ENTPD1: variants seen among roughly 807,000 people sequenced by gnomAD.
ENTPD1 encodes ectonucleoside triphosphate diphosphohydrolase 1.
ENTPD1 carries 33 observed loss-of-function variants against 57.0 expected under a neutral mutation model. That is an observed-to-expected ratio of 0.58 (90% confidence interval 0.44 to 0.77). The LOEUF is 0.77. Ranked by LOEUF, ENTPD1 falls within the 30% of genes least tolerant of loss-of-function variation. The pLI is 0.00. For missense variants in ENTPD1, 501 were observed against 603.4 expected (o/e 0.83, Z 1.78); for synonymous variants, 202 against 218.8 (o/e 0.92, Z 0.68).
intron 2 of ENTPD1, among the ~76,000 whole-genome samples, chr10:95,831,917 G>A (rs1161219227): frequency 6.6e-6 from 1 of 152,168 alleles, no homozygotes; most frequent in Admixed American, 6.5e-5. Context: ...TTAACAAATA[G>A]CCATTGAATA....
chr10:95,704,891 TAC>T, the ENTPD1 span, among the ~76,000 whole-genome samples: 1 of 151,386 alleles, frequency 6.6e-6, no homozygotes. Flanking sequence ...TATGTAAATA[TAC>T]ACATACACAC....
the ENTPD1 span, among the ~76,000 whole-genome samples, chr10:95,701,891 A>G: frequency 6.6e-6 from 1 of 152,138 alleles, no homozygotes; most frequent in Non-Finnish European, 1.5e-5. Flanking sequence ...AAGTTAAACA[A>G]CTAGAATACA....
chr10:95,858,764 C>G (rs974351148), intron 7 of ENTPD1, among the ~76,000 whole-genome samples: 3 of 152,140 alleles, frequency 2.0e-5, no homozygotes, highest in African/African-American at 7.2e-5. Flanking sequence ...TGTATTTATA[C>G]CATTGCTCAT....
Position 95,870,508 on chromosome 10 carries a change from C to T in ENTPD1, c.*4125C>T. The T allele has an allele frequency of 1.1e-6, 1 of 941,362 alleles. No homozygotes were observed. Among genetic ancestry groups the T allele is most frequent in the Non-Finnish European group, 1.3e-6 (1 of 789,934 alleles). 58.3% of individuals were successfully genotyped at this position (941,362 alleles called of 1,614,324 possible). On this transcript the variant is annotated 3_prime_UTR_variant, in exon 10 of 10. Transcript: ENST00000371205. ...TGTCCAGGCTGGTCTCGAACTCCTG[C>T]CCTCAAGCAATCCTCCTGCCTTGGC...
intron 6 of ENTPD1, 61 bp from the exon 7 acceptor site, chr10:95,847,385 A>T: frequency 6.2e-7 from 1 of 1,603,306 alleles, no homozygotes; most frequent in Non-Finnish European, 8.5e-7. Context: ...ATTAAGTCAG[A>T]CTGTACCTTT....
At chr10:95,818,874 A>T (rs148759118) in intron 1 of ENTPD1, among the ~76,000 whole-genome samples, 4 of 152,328 alleles carry the variant, frequency 2.6e-5, no homozygotes, top group African/African-American at 9.6e-5. Flanking sequence ...CATTCCTTGA[A>T]TGTTTGCTCA....
At chr10:95,811,881 C>T (rs569920443) in intron 1 of ENTPD1, among the ~76,000 whole-genome samples, 2 of 152,174 alleles carry the variant, frequency 1.3e-5, no homozygotes, top group Non-Finnish European at 2.9e-5. Context: ...CACTGAATGT[C>T]GCTGTCTATG....
chr10:95,789,498 A>G (rs1000276640), intron 1 of ENTPD1, among the ~76,000 whole-genome samples: 1 of 152,210 alleles, frequency 6.6e-6, no homozygotes, highest in African/African-American at 2.4e-5. Context: ...TCAAATTCAT[A>G]GAAACAGTGT....
Position 95,869,944 on chromosome 10 carries a change from G to T in ENTPD1, c.*3561G>T. On this transcript the variant is annotated 3_prime_UTR_variant, in exon 10 of 10. Coordinates refer to ENST00000371205, the MANE Select transcript of ENTPD1 (RefSeq NM_001776.6). Reference sequence around the variant, plus strand: ...CATGTGGCTTGTAGCTACCATACTGGACAGCACATGTCCAAAAAAATACAC... The same window carrying T: ...CATGTGGCTTGTAGCTACCATACTGTACAGCACATGTCCAAAAAAATACAC... 1.0e-6 allele frequency: 1 copy of T among 985,036 alleles called. No individual in the cohort carries two copies. Among genetic ancestry groups the T allele is most frequent in the Non-Finnish European group, 1.2e-6 (1 of 829,620 alleles). 61.0% of individuals were successfully genotyped at this position (985,036 alleles called of 1,614,324 possible).
intron 2 of ENTPD1, among the ~76,000 whole-genome samples, chr10:95,829,758 A>G (rs1467001891): frequency 6.6e-6 from 1 of 152,132 alleles, no homozygotes; most frequent in Non-Finnish European, 1.5e-5. Flanking sequence ...TATGGCTTGA[A>G]TGTTTGATCC....
Position 95,845,394 on chromosome 10 carries a change from A to G in ENTPD1, c.611A>G (p.Asn204Ser). 6.2e-7 allele frequency: 1 copy of G among 1,614,220 alleles called. No homozygotes were observed. Among genetic ancestry groups the G allele is most frequent in the Non-Finnish European group, 8.5e-7 (1 of 1,180,038 alleles). The change falls in exon 6 of 10, where the codon AAT becomes AGT. Residue 204 changes from asparagine (N) to serine (S), a missense_variant. By Grantham distance (46) the Asn-to-Ser change is conservative (BLOSUM62 1). Coordinates refer to ENST00000371205, the MANE Select transcript of ENTPD1 (RefSeq NM_001776.6). ...RWFSIVPYET[N>S]NQETFGALDL... is the part of the protein sequence containing the mutation. ...TTCAGCATAGTCCCATATGAAACCA[A>G]TAATCAGGAAACCTTTGGAGCTTTG...
intron 2 of ENTPD1, among the ~76,000 whole-genome samples, chr10:95,838,532 G>C (rs1051927392): frequency 5.3e-5 from 8 of 152,216 alleles, no homozygotes; most frequent in Non-Finnish European, 1.2e-4. Flanking sequence ...AGTGTAAAGT[G>C]AAAGAAGTTA....
chr10:95,698,474 CTGTT>C, the ENTPD1 span, among the ~76,000 whole-genome samples: 2 of 152,214 alleles, frequency 1.3e-5, no homozygotes, highest in Non-Finnish European at 2.9e-5. Flanking sequence ...AGCCCAGTGA[CTGTT>C]TGCTAAAGAG....
chr10:95,788,979 G>A (rs933108884), intron 1 of ENTPD1, among the ~76,000 whole-genome samples: 3 of 152,096 alleles, frequency 2.0e-5, no homozygotes, highest in African/African-American at 7.2e-5. Context: ...TTGGCGATGA[G>A]GCATGGAGGA....
At chr10:95,790,576 C>G (rs1471902016) in intron 1 of ENTPD1, among the ~76,000 whole-genome samples, 2 of 151,944 alleles carry the variant, frequency 1.3e-5, no homozygotes, top group Non-Finnish European at 2.9e-5. Context: ...TACTTATTAC[C>G]CATCATTACA....
At chr10:95,773,647 C>A (rs906080358) in intron 1 of ENTPD1, among the ~76,000 whole-genome samples, 15 of 152,152 alleles carry the variant, frequency 9.9e-5, no homozygotes, top group Admixed American at 8.5e-4. Flanking sequence ...TCATCCTGTC[C>A]TTTGAAGCTT....
the ENTPD1 span, among the ~76,000 whole-genome samples, chr10:95,698,577 C>T: frequency 0.011 from 1,612 of 152,260 alleles, 23 homozygotes; most frequent in South Asian, 0.059. Flanking sequence ...TAGAGGGTGC[C>T]CCTCCCATCA....
At position 95,873,523 on chromosome 10, in the gene ENTPD1, C is replaced by T. The variant is rs2098482680; in HGVS notation, c.*7140C>T. The T allele has an allele frequency of 1.0e-6, 1 of 985,136 alleles. No individual in the cohort carries two copies. Among genetic ancestry groups the T allele is most frequent in the Non-Finnish European group, 1.2e-6 (1 of 829,890 alleles). The allele number at this position is 985,136 out of a possible 1,614,324, so 61.0% of individuals were successfully genotyped here. A position where few individuals can be genotyped will look rare whatever the true frequency, so the allele number is the denominator to read the frequency against. On this transcript the variant is annotated 3_prime_UTR_variant, in exon 10 of 10. Transcript: ENST00000371205. Reference sequence around the variant, plus strand: ...TACCTCCATGCTCTCAGTAGAGGCCCATAGGAAAGAGTAGGTAGGTTATGC... The same window carrying T: ...TACCTCCATGCTCTCAGTAGAGGCCTATAGGAAAGAGTAGGTAGGTTATGC...
At chr10:95,853,491 G>T (rs1376248953) in intron 7 of ENTPD1, among the ~76,000 whole-genome samples, 1 of 152,036 alleles carries the variant, frequency 6.6e-6, no homozygotes, top group Non-Finnish European at 1.5e-5. Flanking sequence ...GGTGAGAGAG[G>T]GTAGCCCTGT....
Sources: gnomAD v4.1 joint callset for allele counts (sites outside exome capture counted in the v4.1 genomes callset) on GRCh38, gnomAD v4.1.1 for gene constraint, MANE v1.5 for transcripts, NCBI Gene and HGNC (gene_info 2026-07-23, HGNC 2026-07-21) for gene names.